Variants in LINGO2 observed in about 807,000 individuals in gnomAD.
LINGO2 encodes the protein leucine-rich repeat and immunoglobulin-like domain-containing nogo receptor-interacting protein 2.
In LINGO2, 14 loss-of-function variants were observed where a neutral mutation model predicts 30.6. The ratio of observed to expected loss-of-function variants is 0.46; its 90% CI spans 0.30 to 0.72. The LOEUF is 0.72. Ranked by LOEUF, LINGO2 falls within the 30% of genes least tolerant of loss-of-function variation. The pLI is 0.07. For synonymous variants in LINGO2, 317 were observed against 288.5 expected, an observed-to-expected ratio of 1.10 and a Z score of -1.00; for missense variants, 729 against 751.7, an observed-to-expected ratio of 0.97 and a Z score of 0.35.
At chr9:28,320,031 G>T (rs1437329348) in intron 3 of LINGO2, among the ~76,000 whole-genome samples, 2 of 152,034 alleles carry the variant, frequency 1.3e-5, no homozygotes, top group African/African-American at 2.4e-5. Context: ...CAAACATTTT[G>T]TCTCATTGCT....
chr9:28,118,441 C>A (rs941114475), intron 4 of LINGO2, among the ~76,000 whole-genome samples: 2 of 152,072 alleles, frequency 1.3e-5, no homozygotes, highest in African/African-American at 4.8e-5. Context: ...AATAAGTACG[C>A]TTGTTAGTTT....
chr9:28,162,852 G>A (rs1047712430), intron 4 of LINGO2, among the ~76,000 whole-genome samples: 1 of 152,108 alleles, frequency 6.6e-6, no homozygotes, highest in Non-Finnish European at 1.5e-5. Flanking sequence ...GTATAGCATA[G>A]TGAAGATTGA....
chr9:28,952,152 C>T, the LINGO2 span, among the ~76,000 whole-genome samples: 311 of 150,578 alleles, frequency 2.1e-3, 1 homozygote, highest in Non-Finnish European at 3.2e-3. Flanking sequence ...CAGAGATAGA[C>T]AGTCAGTGGT....
At chr9:28,464,379 G>C (rs1347813350) in intron 2 of LINGO2, among the ~76,000 whole-genome samples, 2 of 152,116 alleles carry the variant, frequency 1.3e-5, no homozygotes, top group African/African-American at 4.8e-5. Context: ...TTATATTATA[G>C]TTGTTTGGAT....
chr9:28,387,669 G>A (rs10812794), intron 2 of LINGO2, among the ~76,000 whole-genome samples: 17,194 of 151,980 alleles, frequency 0.11, 1,131 homozygotes, highest in East Asian at 0.17. Context: ...CTGTGGACGC[G>A]CCACCTTTAA....
chr9:27,996,595 T>TA (rs1375774508), intron 5 of LINGO2, among the ~76,000 whole-genome samples: 134 of 152,078 alleles, frequency 8.8e-4, no homozygotes, highest in African/African-American at 3.2e-3. Context: ...TGGTTACTAG[T>TA]GACAGGGAAA....
chr9:28,992,374 C>G, the LINGO2 span, among the ~76,000 whole-genome samples: 3,293 of 151,878 alleles, frequency 0.022, 94 homozygotes, highest in African/African-American at 0.074. Flanking sequence ...AGCAAGTCCT[C>G]AGTGACCTAC....
chr9:28,346,904 G>C lies in LINGO2; in HGVS notation c.-246+25932C>G, dbSNP rs1819599904. 3.4e-5 allele frequency among the ~76,000 whole-genome samples: 5 copies of C among 148,742 alleles called. No individual in the cohort carries two copies. In the Admixed American group the frequency reaches 3.4e-4, roughly 10 times the overall value. ...AGTTGCTTTTTTCTTGTAAATTTAA[G>C]TTCCTTATAGATATAGGTTAGTAGA... On this transcript the variant is annotated intron_variant, in intron 3 of 5. Transcript: ENST00000379992.
At chr9:28,798,417 AG>A in the LINGO2 span, among the ~76,000 whole-genome samples, 1 of 152,138 alleles carries the variant, frequency 6.6e-6, no homozygotes, top group Non-Finnish European at 1.5e-5. Flanking sequence ...CCACTGTTAC[AG>A]GAGATAAAAC....
At chr9:28,746,834 G>C in the LINGO2 span, among the ~76,000 whole-genome samples, 1 of 152,002 alleles carries the variant, frequency 6.6e-6, no homozygotes, top group African/African-American at 2.4e-5. Context: ...CCATTTACTA[G>C]TTCCCATGAC....
chr9:28,763,397 T>C, the LINGO2 span, among the ~76,000 whole-genome samples: 1 of 151,882 alleles, frequency 6.6e-6, no homozygotes, highest in Non-Finnish European at 1.5e-5. Flanking sequence ...TGGAAAACAT[T>C]TACGAATATG....
At chr9:28,626,856 C>T (rs1587981839) in intron 1 of LINGO2, among the ~76,000 whole-genome samples, 1 of 150,878 alleles carries the variant, frequency 6.6e-6, no homozygotes, top group East Asian at 1.9e-4. Flanking sequence ...CTTCCATTAT[C>T]TCTTCATTAT....
At chr9:29,189,643 C>A in the LINGO2 span, among the ~76,000 whole-genome samples, 2 of 152,144 alleles carry the variant, frequency 1.3e-5, no homozygotes, top group African/African-American at 4.8e-5. Flanking sequence ...AATCTCGGCA[C>A]TTTGGGAGGC....
At chr9:28,697,593 G>GA in the LINGO2 span, among the ~76,000 whole-genome samples, 77 of 147,568 alleles carry the variant, frequency 5.2e-4, no homozygotes, top group East Asian at 2.0e-3. Context: ...CTGCTAGTTT[G>GA]AAAAAAAAAA....
the LINGO2 span, among the ~76,000 whole-genome samples, chr9:28,946,839 G>A: frequency 1.3e-5 from 2 of 151,962 alleles, no homozygotes; most frequent in African/African-American, 4.8e-5. Context: ...GCCTTCCAAG[G>A]CATCACTGTT....
At chr9:27,969,574 C>A (rs1344588761) in intron 5 of LINGO2, among the ~76,000 whole-genome samples, 1 of 152,076 alleles carries the variant, frequency 6.6e-6, no homozygotes. Context: ...TTCTCATTAC[C>A]ATTTTGTAGA....
At chr9:28,805,004 G>A in the LINGO2 span, among the ~76,000 whole-genome samples, 1 of 152,072 alleles carries the variant, frequency 6.6e-6, no homozygotes, top group South Asian at 2.1e-4. Flanking sequence ...GCCCTATACA[G>A]TCCACGTCTT....
the LINGO2 span, among the ~76,000 whole-genome samples, chr9:29,193,338 A>G: frequency 4.6e-5 from 7 of 152,032 alleles, no homozygotes; most frequent in Admixed American, 1.3e-4. Flanking sequence ...AATCTGGTAC[A>G]CCATGCTCAC....
the LINGO2 span, among the ~76,000 whole-genome samples, chr9:29,026,346 G>T: frequency 6.6e-6 from 1 of 152,080 alleles, no homozygotes. Context: ...TTAAAGGATA[G>T]AAATCAAGTT....
Sources: allele counts gnomAD v4.1 joint callset (sites outside exome capture counted in the v4.1 genomes callset), GRCh38; gene constraint gnomAD v4.1.1; transcripts MANE v1.5; gene names NCBI Gene and HGNC (gene_info 2026-07-23, HGNC 2026-07-21).